The following CSRP2 variants were observed in gnomAD, a reference collection of about 807,000 sequenced individuals.
CSRP2 encodes cysteine and glycine-rich protein 2.
CSRP2 carries 18 observed loss-of-function variants against 24.6 expected under a neutral mutation model. That is an observed-to-expected ratio of 0.73 (90% CI 0.51 to 1.09). The LOEUF is 1.09. Among genes scored for constraint, CSRP2 ranks in the 50% least tolerant of loss-of-function variants. The pLI, the probability that CSRP2 is intolerant of heterozygous loss-of-function variation, is 0.00. For missense variants in CSRP2, 215 were observed against 239.4 expected, an observed-to-expected ratio of 0.90 and a Z score of 0.67; for synonymous variants, 87 against 84.3, an observed-to-expected ratio of 1.03 and a Z score of -0.18.
intron 2 of CSRP2, chr12:76,864,138 A>C (rs1481570561): frequency 6.6e-6 from 1 of 152,190 alleles, no homozygotes; most frequent in Non-Finnish European, 1.5e-5. Flanking sequence ...AAAACTGCCA[A>C]ATGTCATCGA....
chr12:76,867,306 T>C (rs1030898010), intron 1 of CSRP2, among the ~76,000 whole-genome samples: 4 of 110,530 alleles, frequency 3.6e-5, no homozygotes, highest in Non-Finnish European at 5.2e-5. Flanking sequence ...CTGACCAACA[T>C]AGCGAAACCC....
At chr12:76,866,620 T>C (rs927659447) in intron 1 of CSRP2, among the ~76,000 whole-genome samples, 2 of 152,196 alleles carry the variant, frequency 1.3e-5, no homozygotes. Context: ...CCCTCCCTAA[T>C]ATGCCCATTT....
intron 1 of CSRP2, among the ~76,000 whole-genome samples, chr12:76,877,982 A>C (rs1953869189): frequency 2.2e-5 from 1 of 45,934 alleles, no homozygotes; most frequent in Non-Finnish European, 4.0e-5. Flanking sequence ...ACCCCCCAAA[A>C]AAAATTCTGT....
chr12:76,861,800 G>A (rs1432969263), intron 3 of CSRP2: 1 of 152,106 alleles, frequency 6.6e-6, no homozygotes, highest in Non-Finnish European at 1.5e-5. Context: ...TCTATAAATG[G>A]ACAAAGTATA....
chr12:76,871,899 TAA>T (rs774770134), intron 1 of CSRP2, among the ~76,000 whole-genome samples: 11 of 132,574 alleles, frequency 8.3e-5, no homozygotes, highest in Non-Finnish European at 9.9e-5. Flanking sequence ...TTGCTGTGCA[TAA>T]AAAAAAAAAA....
intron 3 of CSRP2, chr12:76,862,092 A>C (rs1041023427): frequency 6.6e-6 from 1 of 152,228 alleles, no homozygotes; most frequent in Non-Finnish European, 1.5e-5. Context: ...GAGTTAACAT[A>C]TGCTAATGCT....
chr12:76,871,763 CAA>C (rs5799293), intron 1 of CSRP2, among the ~76,000 whole-genome samples: 256 of 122,870 alleles, frequency 2.1e-3, no homozygotes, highest in Middle Eastern at 4.1e-3. Flanking sequence ...GACTCCGACT[CAA>C]AAAAAAAAAA....
At chr12:76,867,389 AATCCCAGCTACTTGGG>A (rs1953746352) in intron 1 of CSRP2, among the ~76,000 whole-genome samples, 1 of 151,772 alleles carries the variant, frequency 6.6e-6, no homozygotes, top group Non-Finnish European at 1.5e-5. Context: ...AGATGCCTGC[AATCCCAGCTACTTGGG>A]AGGCTGAGGC....
chr12:76,874,613 G>A (rs565957932), intron 1 of CSRP2, among the ~76,000 whole-genome samples: 7 of 152,300 alleles, frequency 4.6e-5, no homozygotes, highest in African/African-American at 1.4e-4. Flanking sequence ...CCAACCCCCA[G>A]GCCACAGACC....
intron 1 of CSRP2, among the ~76,000 whole-genome samples, chr12:76,874,514 C>A (rs569655250): frequency 1.3e-3 from 200 of 152,294 alleles, no homozygotes; most frequent in African/African-American, 4.5e-3. Context: ...TGGCAAAGAG[C>A]CTGTACTCCA....
chr12:76,866,079 C>T (rs1953731801), intron 2 of CSRP2, 70 bp downstream of exon 2: 1 of 1,178,356 alleles, frequency 8.5e-7, no homozygotes, highest in Non-Finnish European at 1.2e-6. Flanking sequence ...CACAATTTTT[C>T]CTTAAATAGA....
intron 1 of CSRP2, among the ~76,000 whole-genome samples, chr12:76,871,906 A>C (rs528321446): frequency 6.6e-6 from 1 of 152,200 alleles, no homozygotes; most frequent in Non-Finnish European, 1.5e-5. Flanking sequence ...GCATAAAAAA[A>C]AAAAAAAGCA....
intron 1 of CSRP2, among the ~76,000 whole-genome samples, chr12:76,878,613 G>T (rs1315592167): frequency 1.3e-5 from 2 of 152,232 alleles, no homozygotes; most frequent in Admixed American, 6.5e-5. Context: ...CTCACAACCC[G>T]CCTCTCTCCC....
Position 76,866,179 on chromosome 12 carries a change from T to A in CSRP2, c.82A>T (p.Arg28Trp). The change falls in exon 2 of 6, where the codon AGG (arginine) becomes TGG (tryptophan). Residue 28 changes from arginine to tryptophan, a missense_variant. Transcript: ENST00000311083. ...AGAAAGCAGCAGCGGTGGAAGCTCC[T>A]GCCATCACACTGCACCTCTTCTGCG... ...YHAEEVQCDG[R>W]SFHRCCFLCM... The A allele has an allele frequency of 6.2e-7, 1 of 1,614,106 alleles. No individual in the cohort carries two copies. The highest frequency in any genetic ancestry group is 8.5e-7 in the Non-Finnish European group (1 of 1,179,974).
rs1466455934 is a variant in CSRP2 at position 76,858,871 on chromosome 12, A to G, written c.*81T>C. Reference sequence around the variant, plus strand: ...GTACTTAATGCTGGTAGAATTTCACAGTAGTTTAGTGTTAAAGATTATCTG... The same window carrying G: ...GTACTTAATGCTGGTAGAATTTCACGGTAGTTTAGTGTTAAAGATTATCTG... On this transcript the variant is annotated 3_prime_UTR_variant, in exon 6 of 6. Coordinates refer to ENST00000311083, the MANE Select transcript of CSRP2 (RefSeq NM_001321.3). The G allele has an allele frequency of 1.6e-6, 2 of 1,270,162 alleles. No homozygotes were observed. The highest frequency in any genetic ancestry group is 2.9e-5 in the African/African-American group (2 of 67,938). The allele number at this position is 1,270,162 out of a possible 1,614,324, so 78.7% of individuals were successfully genotyped here. A position where few individuals can be genotyped will look rare whatever the true frequency, so the allele number is the denominator to read the frequency against.
At chr12:76,859,451 CTTTTCTTT>C (rs1565819051) in intron 5 of CSRP2, 88 bp downstream of exon 5, 4 of 742,278 alleles carry the variant, frequency 5.4e-6, no homozygotes, top group South Asian at 2.1e-5. Context: ...TAGTGGCATA[CTTTTCTTT>C]TTTTTTTTTT....
intron 1 of CSRP2, among the ~76,000 whole-genome samples, chr12:76,874,751 G>A (rs1415865430): frequency 1.3e-5 from 2 of 152,168 alleles, no homozygotes; most frequent in Non-Finnish European, 2.9e-5. Flanking sequence ...CTGTCAGATC[G>A]GCAGAGGCAT....
intron 3 of CSRP2, 44 bp downstream of exon 3, chr12:76,863,132 G>A (rs1460885097): frequency 1.9e-6 from 3 of 1,574,532 alleles, no homozygotes; most frequent in African/African-American, 2.7e-5. Context: ...GGCACTAACT[G>A]TCGCAACTCA....
At chr12:76,866,409 T>C in intron 1 of CSRP2, 148 bp from the exon 2 acceptor site, 1 of 583,874 alleles carries the variant, frequency 1.7e-6, no homozygotes. Context: ...TCCTCCAAAA[T>C]AACCTCATCT....
Sources: gnomAD v4.1 joint callset for allele counts (sites outside exome capture counted in the v4.1 genomes callset) on GRCh38, gnomAD v4.1.1 for gene constraint, MANE v1.5 for transcripts, NCBI Gene and HGNC (gene_info 2026-07-23, HGNC 2026-07-21) for gene names.